SLIT1: variants seen among roughly 807,000 people sequenced by gnomAD.
SLIT1 encodes the protein slit homolog 1 protein.
SLIT1 carries 66 observed loss-of-function variants against 186.1 expected under a neutral mutation model. The observed-to-expected ratio is 0.35, with a 90% CI of 0.29 to 0.44. The LOEUF (loss-of-function observed/expected upper bound fraction) is 0.44. Among genes scored for constraint, SLIT1 ranks in the 20% least tolerant of loss-of-function variants. The pLI, the probability that SLIT1 is intolerant of heterozygous loss-of-function variation, is 1.00. For synonymous variants in SLIT1, 761 were observed against 833.8 expected (o/e 0.91, Z 1.50); for missense variants, 1,638 against 2,037.4 (o/e 0.80, Z 3.77).
intron 4 of SLIT1, among the ~76,000 whole-genome samples, chr10:97,095,507 G>C (rs1461559010): frequency 2.6e-5 from 4 of 152,174 alleles, no homozygotes; most frequent in Non-Finnish European, 4.4e-5. Context: ...CAAGCGGGGA[G>C]AAGCTAGCAT....
rs543242872 is a variant in SLIT1, at chr10:97,185,552, G to C, written c.123C>G (p.Thr41=). Reference sequence around the variant, plus strand: ...TGCCGTGGCAGTCCACCGTGGTTCCGGTGCAGGTGCAGAGGGCGGGGCACG... The same window carrying C: ...TGCCGTGGCAGTCCACCGTGGTTCCCGTGCAGGTGCAGAGGGCGGGGCACG... ...ASACPALCTC[T]GTTVDCHGTG... Residue 41 remains threonine, a synonymous_variant, in exon 1 of 37, where the codon ACC becomes ACG. Coordinates refer to ENST00000266058, the MANE Select transcript of SLIT1 (RefSeq NM_003061.3). 3 of 1,611,304 alleles carry C rather than the reference G, an allele frequency of 1.9e-6. No homozygotes were observed. Among genetic ancestry groups the C allele is most frequent in the East Asian group, 4.5e-5 (2 of 44,798 alleles).
rs267602657 is a variant in SLIT1 at position 97,046,779 on chromosome 10, C to T, written c.1728G>A (p.Lys576=). 6.2e-7 allele frequency: 1 copy of T among 1,612,254 alleles called. No homozygotes were observed. Among genetic ancestry groups the T allele is most frequent in the African/African-American group, 1.3e-5 (1 of 74,946 alleles). Residue 576 remains lysine (K), a synonymous_variant, in exon 18 of 37, where the codon AAG becomes AAA. Transcript: ENST00000266058. ...AGGCCCCATCTTCAATTTCTGACAC[C>T]TTGTTGTTGCTCAGATTGCTGGGAG... ...HLKKINLSNN[K]VSEIEDGAFE... is the part of the protein sequence containing the mutation.
At chr10:97,140,343 A>G (rs922881509) in intron 4 of SLIT1, among the ~76,000 whole-genome samples, 1 of 151,966 alleles carries the variant, frequency 6.6e-6, no homozygotes, top group Non-Finnish European at 1.5e-5. Context: ...CCCCTCCCCA[A>G]CAAGGGGCTA....
chr10:97,108,500 C>T (rs1849434998), intron 4 of SLIT1, among the ~76,000 whole-genome samples: 1 of 152,210 alleles, frequency 6.6e-6, no homozygotes, highest in Admixed American at 6.5e-5. Flanking sequence ...GCAGTGCCCC[C>T]AGCACACCCC....
chr10:97,144,211 G>C (rs1412385682), intron 4 of SLIT1, among the ~76,000 whole-genome samples: 2 of 147,112 alleles, frequency 1.4e-5, no homozygotes, highest in Non-Finnish European at 3.0e-5. Context: ...AAAAAAAAAA[G>C]ATTAGATTAA....
At position 97,185,782 on chromosome 10, in the gene SLIT1, C is replaced by T. The variant is rs1444912509; in HGVS notation, c.-108G>A. 5.1e-6 allele frequency: 5 copies of T among 986,672 alleles called. No individual in the cohort carries two copies. The African/African-American group carries it at 8.6e-5, about 17-fold the overall frequency. 61.1% of individuals were successfully genotyped at this position (986,672 alleles called of 1,614,324 possible). A position where few individuals can be genotyped will look rare whatever the true frequency, so the allele number is the denominator to read the frequency against. ...CCCGGGGCAGAGCCACCGAAGAGCC[C>T]GCGGGCTTGCGCGCGGCGCCCCTGC... On this transcript the variant is annotated 5_prime_UTR_variant, in exon 1 of 37. Coordinates refer to ENST00000266058, the MANE Select transcript of SLIT1 (RefSeq NM_003061.3).
In SLIT1 at chr10:97,064,245, T is replaced by A. The variant is rs768637455; in HGVS notation, c.558-6A>T. The A allele has an allele frequency of 6.2e-7, 1 of 1,613,006 alleles. No homozygotes were observed. The highest frequency in any genetic ancestry group is 1.1e-5 in the South Asian group (1 of 90,780). On this transcript the variant is annotated splice_region_variant and splice_polypyrimidine_tract_variant and intron_variant, in intron 6 of 36. Transcript: ENST00000266058. ...TATTGTTGTTGTTCAGGGTCCTAAA[T>A]GGGAAAAACCAGAGTCATTTAGCAC... is the stretch of plus-strand genomic sequence containing the variant.
intron 13 of SLIT1, among the ~76,000 whole-genome samples, chr10:97,050,560 A>G (rs984584896): frequency 6.6e-6 from 1 of 152,162 alleles, no homozygotes; most frequent in African/African-American, 2.4e-5. Context: ...TTCCCCTTTT[A>G]AACTTTCAGT....
At chr10:97,087,102 A>AC (rs1849168943) in intron 4 of SLIT1, among the ~76,000 whole-genome samples, 2 of 151,008 alleles carry the variant, frequency 1.3e-5, no homozygotes, top group Admixed American at 1.3e-4. Context: ...AAACAATTAA[A>AC]AAAAAAAAAA....
chr10:97,124,508 G>C (rs1244220043), intron 4 of SLIT1, among the ~76,000 whole-genome samples: 1 of 152,216 alleles, frequency 6.6e-6, no homozygotes, highest in Non-Finnish European at 1.5e-5. Flanking sequence ...GAGGCTGCAG[G>C]GTAAACCTCT....
intron 4 of SLIT1, among the ~76,000 whole-genome samples, chr10:97,098,372 C>T (rs2134668407): frequency 1.3e-5 from 2 of 152,304 alleles, no homozygotes; most frequent in African/African-American, 2.4e-5. Flanking sequence ...AGCCAAGCTG[C>T]TAGGCAGAGA....
At position 97,002,937 on chromosome 10, in the gene SLIT1, G is replaced by A. The variant is rs1848325148; in HGVS notation, c.3921C>T (p.Gly1307=). 6.2e-7 allele frequency: 1 copy of A among 1,614,088 alleles called. No individual in the cohort carries two copies. The highest frequency in any genetic ancestry group is 8.5e-7 in the Non-Finnish European group (1 of 1,180,030). The change falls in exon 35 of 37, where the codon GGC becomes GGT. Residue 1307 remains glycine, a synonymous_variant. Transcript: ENST00000266058. The stretch of plus-strand genomic sequence containing the variant: ...TTCGGATGCAACCGTGGAAGCCGGT[G>A]CCGTTGAGGATCTGCCACAGGCGGA... The part of the protein sequence containing the change: ...AAFRLWQILN[G]TGFHGCIRNL...
chr10:97,157,536 T>C, intron 4 of SLIT1: 1 of 411,592 alleles, frequency 2.4e-6, no homozygotes. Context: ...TCCACAAGCA[T>C]GCCTGCCTGC....
At chr10:97,008,448 A>C (rs776570950) in intron 31 of SLIT1, among the ~76,000 whole-genome samples, 1 of 152,220 alleles carries the variant, frequency 6.6e-6, no homozygotes, top group African/African-American at 2.4e-5. Flanking sequence ...TAATCCCAGC[A>C]CTTTGGGAGG....
At chr10:97,067,988 T>A (rs746807829) in intron 4 of SLIT1, among the ~76,000 whole-genome samples, 71 of 152,284 alleles carry the variant, frequency 4.7e-4, no homozygotes, top group Non-Finnish European at 8.2e-4. Context: ...CCCAACGGTG[T>A]GCACAGAGCC....
chr10:97,141,702 G>A (rs74791535), intron 4 of SLIT1, among the ~76,000 whole-genome samples: 8 of 98,338 alleles, frequency 8.1e-5, no homozygotes, highest in African/African-American at 1.2e-4. Context: ...GTATCGTATC[G>A]TATTGTATTG....
intron 4 of SLIT1, among the ~76,000 whole-genome samples, chr10:97,126,861 G>A (rs1334199636): frequency 6.6e-6 from 1 of 152,228 alleles, no homozygotes; most frequent in African/African-American, 2.4e-5. Context: ...ACAGAGCCAA[G>A]GCTCAAGCCA....
chr10:97,125,624 A>C (rs1437893649), intron 4 of SLIT1, among the ~76,000 whole-genome samples: 4 of 151,586 alleles, frequency 2.6e-5, no homozygotes, highest in Non-Finnish European at 5.9e-5. Flanking sequence ...GGATCACCTG[A>C]GGTCAGGAGT....
Position 97,039,989 on chromosome 10 carries a change from G to A in SLIT1, c.2296C>T (p.Leu766Phe). 6.2e-7 allele frequency: 1 copy of A among 1,613,778 alleles called. No individual in the cohort carries two copies. The highest frequency in any genetic ancestry group is 8.5e-7 in the Non-Finnish European group (1 of 1,179,858). The change falls in exon 21 of 37, where the codon CTC (leucine) becomes TTC (phenylalanine). Residue 766 changes from leucine to phenylalanine, a missense_variant and splice_region_variant. Coordinates refer to ENST00000266058, the MANE Select transcript of SLIT1 (RefSeq NM_003061.3). ...GGGGCAAGGCCTTGAGCTACTCACA[G>A]TTCTGTGACATTCTTGGGAATGCCC... ...PKGIPKNVTE[L>F]YLDGNQFTLV...
Sources: allele counts gnomAD v4.1 joint callset (sites outside exome capture counted in the v4.1 genomes callset), GRCh38; gene constraint gnomAD v4.1.1; transcripts MANE v1.5; gene names NCBI Gene and HGNC (gene_info 2026-07-23, HGNC 2026-07-21).